Variants in ATXN2L observed in about 807,000 individuals in gnomAD.
ATXN2L encodes the protein ataxin-2-like protein.
Under a neutral mutation model 120.7 loss-of-function variants are expected in ATXN2L, and 24 were observed. The ratio of observed to expected loss-of-function variants is 0.20; its 90% confidence interval spans 0.14 to 0.28. The LOEUF is 0.28. Among genes scored for constraint, ATXN2L ranks in the 10% least tolerant of loss-of-function variants. The pLI is 1.00. For synonymous variants in ATXN2L, 653 were observed against 568.1 expected (o/e 1.15, Z -2.13); for missense variants, 1,312 against 1,432.3 (o/e 0.92, Z 1.36).
At position 28,836,991 on chromosome 16, in the gene ATXN2L, C is replaced by T. The variant is rs1274201464; in HGVS notation, c.*726C>T. The T allele has an allele frequency of 1.5e-5, 10 of 662,190 alleles. No individual in the cohort carries two copies. The highest frequency in any genetic ancestry group is 8.9e-5 in the Admixed American group (4 of 45,042). 41.0% of individuals were successfully genotyped at this position (662,190 alleles called of 1,614,324 possible). ...GGGGGGTTCCTGCTCTGCCCCTGCCCGTCCCCACCCAGTCTTGCCCTCCCA... is the reference window on the plus strand; with the variant it reads ...GGGGGGTTCCTGCTCTGCCCCTGCCTGTCCCCACCCAGTCTTGCCCTCCCA... On this transcript the variant is annotated 3_prime_UTR_variant, in exon 22 of 22. Transcript: ENST00000336783.
At position 28,834,663 on chromosome 16, in the gene ATXN2L, G is replaced by T. The variant is rs1279751991; in HGVS notation, c.2403G>T (p.Met801Ile). ...NPQQFPGQPA[M>I]MQPMAHYPSQ... is the part of the protein sequence containing the mutation. ...AGCAGTTCCCAGGCCAGCCAGCCAT[G>T]ATGCAGCCCATGGCCCACTACCCCT... Residue 801 changes from methionine (M) to isoleucine (I), a missense_variant, in exon 18 of 22, where the codon ATG (methionine) becomes ATT (isoleucine). Met to Ile is a conservative substitution (Grantham distance 10). Coordinates refer to ENST00000336783, the MANE Select transcript of ATXN2L (RefSeq NM_007245.4). 1 of 1,613,772 alleles carries T rather than the reference G, an allele frequency of 6.2e-7. No individual in the cohort carries two copies. The highest frequency in any genetic ancestry group is 8.5e-7 in the Non-Finnish European group (1 of 1,179,954).
Position 28,826,746 on chromosome 16 carries a change from C to T in ATXN2L, c.617-116C>T, listed in dbSNP as rs565753529. The T allele has an allele frequency of 6.1e-6, 8 of 1,304,676 alleles. No individual in the cohort carries two copies. The East Asian group carries it at 1.3e-4, about 20-fold the overall frequency. 80.8% of individuals were successfully genotyped at this position (1,304,676 alleles called of 1,614,324 possible). A position where few individuals can be genotyped will look rare whatever the true frequency, so the allele number is the denominator to read the frequency against. The stretch of plus-strand genomic sequence containing the variant: ...CCATCCTAACACACGGGCACACGTA[C>T]TCTGGACTTCTTAAACTTTGTTCCT... On this transcript the variant is annotated intron_variant, in intron 5 of 21. Transcript: ENST00000336783.
intron 16 of ATXN2L, 49 bp from the exon 17 acceptor site, chr16:28,834,294 G>A (rs1342842692): frequency 2.5e-6 from 4 of 1,611,634 alleles, no homozygotes; most frequent in Admixed American, 1.7e-5. Flanking sequence ...AGGCCTGTCT[G>A]GGCATTCGTG....
At position 28,824,625 on chromosome 16, in the gene ATXN2L, C is replaced by G. The variant is rs2051111066; in HGVS notation, c.300-741C>G. On this transcript the variant is annotated intron_variant, in intron 1 of 21. Transcript: ENST00000336783. ...CCCTCCTCCCACAGTTTTGAGGCGTCAGGCTGCTGAAAATGATTGTCTTTT... is the reference window on the plus strand; with the variant it reads ...CCCTCCTCCCACAGTTTTGAGGCGTGAGGCTGCTGAAAATGATTGTCTTTT... 2.5e-6 allele frequency: 3 copies of G among 1,198,374 alleles called. No individual in the cohort carries two copies. In the Admixed American group the frequency reaches 8.3e-5, roughly 33 times the overall value. The allele number at this position is 1,198,374 out of a possible 1,614,324, so 74.2% of individuals were successfully genotyped here.
At position 28,823,527 on chromosome 16, in the gene ATXN2L, A is replaced by G; in HGVS notation, c.268A>G (p.Arg90Gly). The G allele has an allele frequency of 1.4e-6, 2 of 1,384,646 alleles. No individual in the cohort carries two copies. The highest frequency in any genetic ancestry group is 1.9e-6 in the Non-Finnish European group (2 of 1,071,900). 85.8% of individuals were successfully genotyped at this position (1,384,646 alleles called of 1,614,324 possible). A position where few individuals can be genotyped will look rare whatever the true frequency, so the allele number is the denominator to read the frequency against. ...GCCGCCGCCGCAGCAACACCAGGAG[A>G]GGCCGGGGGCAGCCGCCATCGGCAG... ...QPPPPQQHQE[R>G]PGAAAIGSAR... The change falls in exon 1 of 22, where the codon AGG becomes GGG. Residue 90 changes from arginine to glycine, a missense_variant. Transcript: ENST00000336783.
Position 28,834,611 on chromosome 16 carries a change from A to G in ATXN2L, c.2351A>G (p.Tyr784Cys), listed in dbSNP as rs1959266064. The change falls in exon 18 of 22, where the codon TAT becomes TGT. Residue 784 changes from tyrosine to cysteine, a missense_variant. Transcript: ENST00000336783. ...CCGCCTCTGGTGGCTGCCACGCCCT[A>G]TTCTTCCTACATCCCCTACAACCCT... ...AGPPLVAATP[Y>C]SSYIPYNPQQ... 6.2e-7 allele frequency: 1 copy of G among 1,613,670 alleles called. No individual in the cohort carries two copies. Among genetic ancestry groups the G allele is most frequent in the Admixed American group, 1.7e-5 (1 of 59,990 alleles).
Position 28,835,161 on chromosome 16 carries a change from A to G in ATXN2L, c.2537A>G (p.Glu846Gly), listed in dbSNP as rs746599125. ...SSSTPQYPSA[E>G]QPTPQALYAT... is the part of the protein sequence containing the mutation. ...TCTACCCCTCAGTACCCTTCTGCAG[A>G]GCAGCCTACCCCCCAAGCCCTTTAT... is the stretch of plus-strand genomic sequence containing the variant. The change falls in exon 19 of 22, where the codon GAG (glutamate) becomes GGG (glycine). Residue 846 changes from glutamate (E) to glycine (G), a missense_variant. Transcript: ENST00000336783. 6.2e-7 allele frequency: 1 copy of G among 1,613,166 alleles called. No individual in the cohort carries two copies. The highest frequency in any genetic ancestry group is 2.2e-5 in the East Asian group (1 of 44,864).
At position 28,826,958 on chromosome 16, in the gene ATXN2L, G is replaced by A. The variant is rs769858391; in HGVS notation, c.713G>A (p.Ser238Asn). Residue 238 changes from serine to asparagine, a missense_variant, in exon 6 of 22, where the codon AGC becomes AAC. Transcript: ENST00000336783. The part of the protein sequence containing the change: ...LQRWEGGDSN[S>N]DDYDLESDMS... The stretch of plus-strand genomic sequence containing the variant: ...CGCTGGGAGGGGGGTGACAGCAACA[G>A]CGACGACTATGACCTCGAGTCTGAC... The A allele has an allele frequency of 6.3e-7, 1 of 1,578,160 alleles. No individual in the cohort carries two copies. The highest frequency in any genetic ancestry group is 1.7e-5 in the Admixed American group (1 of 57,220).
rs752921977 is a variant in ATXN2L at position 28,829,861 on chromosome 16, G to A, written c.837G>A (p.Val279=). The A allele has an allele frequency of 5.6e-6, 9 of 1,614,168 alleles. No individual in the cohort carries two copies. Among genetic ancestry groups the A allele is most frequent in the Non-Finnish European group, 2.5e-6 (3 of 1,179,998 alleles). The change falls in exon 8 of 22, where the codon GTG becomes GTA. Residue 279 remains valine (V), a synonymous_variant. Transcript: ENST00000336783. ...TYDSSLSSYT[V]PLEKDNSEEF... ...TGGTCTGTGGGTGCTGTCTCAGGGTGCCCTTAGAAAAGGACAACTCAGAAG... is the reference window on the plus strand; with the variant it reads ...TGGTCTGTGGGTGCTGTCTCAGGGTACCCTTAGAAAAGGACAACTCAGAAG...
Position 28,835,410 on chromosome 16 carries a change from T to C in ATXN2L, c.2685+11T>C. 4.3e-6 allele frequency: 7 copies of C among 1,612,352 alleles called. No individual in the cohort carries two copies. The highest frequency in any genetic ancestry group is 1.3e-5 in the African/African-American group (1 of 75,008). Reference sequence around the variant, plus strand: ...CCCAGTCCTGTCCAGGTGCCTGCCATGGGGGGTGCTGAGTGGTCCTGGTGC... The same window carrying C: ...CCCAGTCCTGTCCAGGTGCCTGCCACGGGGGGTGCTGAGTGGTCCTGGTGC... On this transcript the variant is annotated intron_variant, in intron 20 of 21. Transcript: ENST00000336783.
At chr16:28,824,494 A>G in intron 1 of ATXN2L, 3 of 1,288,244 alleles carry the variant, frequency 2.3e-6, no homozygotes, top group Non-Finnish European at 3.0e-6. Flanking sequence ...CGCCGGTTAC[A>G]TCAGCCAGCG....
In ATXN2L at chr16:28,833,517, G is replaced by T. The variant is rs753923857; in HGVS notation, c.2025+9G>T. ...AGCCTCTGCTGTCTGTGGTGAGCTG[G>T]GACAGGAGAATGTGGACTTTGGTTT... On this transcript the variant is annotated intron_variant, in intron 15 of 21. Coordinates refer to ENST00000336783, the MANE Select transcript of ATXN2L (RefSeq NM_007245.4). 2 of 1,614,056 alleles carry T rather than the reference G, an allele frequency of 1.2e-6. No individual in the cohort carries two copies. The highest frequency in any genetic ancestry group is 4.5e-5 in the East Asian group (2 of 44,886).
intron 13 of ATXN2L, 40 bp downstream of exon 13, chr16:28,832,927 G>A: frequency 1.9e-6 from 3 of 1,608,418 alleles, no homozygotes; most frequent in South Asian, 2.2e-5. Flanking sequence ...AGGGTAAAGG[G>A]GTTGGGAGTG....
intron 1 of ATXN2L, chr16:28,824,485 G>T (rs1472689648): frequency 6.2e-6 from 8 of 1,288,142 alleles, no homozygotes. Context: ...GCCCTCAACC[G>T]CCGGTTACAT....
chr16:28,825,398 C>T lies in ATXN2L; in HGVS notation c.332C>T (p.Ser111Leu), dbSNP rs942860138. 1 of 1,613,810 alleles carries T rather than the reference C, an allele frequency of 6.2e-7. No individual in the cohort carries two copies. The highest frequency in any genetic ancestry group is 8.5e-7 in the Non-Finnish European group (1 of 1,179,868). The change falls in exon 2 of 22, where the codon TCA (serine) becomes TTA (leucine). Residue 111 changes from serine (S) to leucine (L), a missense_variant. Coordinates refer to ENST00000336783, the MANE Select transcript of ATXN2L (RefSeq NM_007245.4). ...AGCACAGGAAAGGGACCCCCACAGTCACCTGTGAGTGTCTTCTCCCACCCT... is the reference window on the plus strand; with the variant it reads ...AGCACAGGAAAGGGACCCCCACAGTTACCTGTGAGTGTCTTCTCCCACCCT... The part of the protein sequence containing the change: ...GQSTGKGPPQ[S>L]PVFEGVYNNS...
At position 28,836,585 on chromosome 16, in the gene ATXN2L, G is replaced by A; in HGVS notation, c.*320G>A. 1 of 1,572,780 alleles carries A rather than the reference G, an allele frequency of 6.4e-7. No individual in the cohort carries two copies. Among genetic ancestry groups the A allele is most frequent in the African/African-American group, 1.4e-5 (1 of 73,962 alleles). Reference sequence around the variant, plus strand: ...CTTACTGGGAAACAGCGATTGACCTGTGCTTCTGACAGCCCCCGAGACACC... The same window carrying A: ...CTTACTGGGAAACAGCGATTGACCTATGCTTCTGACAGCCCCCGAGACACC... On this transcript the variant is annotated 3_prime_UTR_variant, in exon 22 of 22. Transcript: ENST00000336783.
chr16:28,830,826 G>T (rs754525361), intron 9 of ATXN2L, 36 bp downstream of exon 9: 2 of 1,563,900 alleles, frequency 1.3e-6, no homozygotes, highest in African/African-American at 2.7e-5. Flanking sequence ...AGAGGGCAGG[G>T]AAGGGGATGC....
In ATXN2L at chr16:28,829,838, G is replaced by T; in HGVS notation, c.834-20G>T. 1 of 1,613,374 alleles carries T rather than the reference G, an allele frequency of 6.2e-7. No homozygotes were observed. On this transcript the variant is annotated intron_variant, in intron 7 of 21. Transcript: ENST00000336783. Reference sequence around the variant, plus strand: ...GTCCCCTGGCACTGGGATGGTGGTGGTCTGTGGGTGCTGTCTCAGGGTGCC... The same window carrying T: ...GTCCCCTGGCACTGGGATGGTGGTGTTCTGTGGGTGCTGTCTCAGGGTGCC...
chr16:28,824,139 C>T (rs1053138576), intron 1 of ATXN2L: 4 of 1,023,196 alleles, frequency 3.9e-6, no homozygotes, highest in African/African-American at 1.7e-5. Flanking sequence ...GGCGCGCGCG[C>T]CCCCTTCCCG....
Sources: gnomAD v4.1 joint callset for allele counts on GRCh38, gnomAD v4.1.1 for gene constraint, MANE v1.5 for transcripts, NCBI Gene and HGNC (gene_info 2026-07-23, HGNC 2026-07-21) for gene names.